Variants in PLCB1 observed in about 807,000 individuals in gnomAD.
PLCB1 encodes the protein phospholipase C beta 1.
In PLCB1, 46 loss-of-function variants were observed where a neutral mutation model predicts 161.8. The ratio of observed to expected loss-of-function variants is 0.28; its 90% CI spans 0.22 to 0.36. PLCB1 has a LOEUF of 0.36. PLCB1 is among the 10% of genes least tolerant of loss of function. PLCB1 has a pLI of 1.00. For missense variants in PLCB1, 1,016 were observed against 1,472.5 expected (o/e 0.69, Z 5.07); for synonymous variants, 517 against 503.7 (o/e 1.03, Z -0.35).
chr20:8,436,568 T>G (rs1980322846), intron 3 of PLCB1, among the ~76,000 whole-genome samples: 1 of 151,940 alleles, frequency 6.6e-6, no homozygotes, highest in Admixed American at 6.6e-5. Flanking sequence ...TTTTTCTCTC[T>G]TCTCTGTCTC....
intron 24 of PLCB1, among the ~76,000 whole-genome samples, chr20:8,759,245 TC>T (rs952323500): frequency 6.6e-6 from 1 of 152,178 alleles, no homozygotes; most frequent in African/African-American, 2.4e-5. Context: ...CTCGCCTTTC[TC>T]AGTGCATCAC....
intron 2 of PLCB1, among the ~76,000 whole-genome samples, chr20:8,154,047 G>T (rs1399056901): frequency 1.3e-5 from 2 of 152,038 alleles, no homozygotes; most frequent in African/African-American, 4.8e-5. Context: ...TAGCTTCATG[G>T]TTTCTTCCTA....
At chr20:8,577,610 C>T (rs868347196) in intron 3 of PLCB1, among the ~76,000 whole-genome samples, 1 of 151,970 alleles carries the variant, frequency 6.6e-6, no homozygotes, top group East Asian at 1.9e-4. Flanking sequence ...TAAGTCTTGG[C>T]ACTTAAGAGA....
At chr20:8,193,193 C>T (rs993409618) in intron 2 of PLCB1, among the ~76,000 whole-genome samples, 1 of 151,908 alleles carries the variant, frequency 6.6e-6, no homozygotes, top group Non-Finnish European at 1.5e-5. Context: ...AATCATTACA[C>T]TACCTATAGG....
chr20:8,699,401 A>G (rs1430381344), intron 11 of PLCB1, among the ~76,000 whole-genome samples: 1 of 152,234 alleles, frequency 6.6e-6, no homozygotes, highest in Non-Finnish European at 1.5e-5. Context: ...ACTGTGTGCC[A>G]CTTGCCAACT....
chr20:8,808,982 A>G (rs1984677194), intron 31 of PLCB1, among the ~76,000 whole-genome samples: 1 of 152,176 alleles, frequency 6.6e-6, no homozygotes, highest in Non-Finnish European at 1.5e-5. Context: ...ATTTTTTCCT[A>G]GAGCTTTGTT....
intron 2 of PLCB1, among the ~76,000 whole-genome samples, chr20:8,242,254 C>G (rs574470390): frequency 6.6e-6 from 1 of 152,084 alleles, no homozygotes; most frequent in East Asian, 1.9e-4. Flanking sequence ...ATTCCAGCTA[C>G]TAGCATCACT....
At chr20:8,415,344 A>G (rs971255231) in intron 3 of PLCB1, among the ~76,000 whole-genome samples, 9 of 152,236 alleles carry the variant, frequency 5.9e-5, no homozygotes, top group Non-Finnish European at 1.2e-4. Flanking sequence ...TTAAAAAATT[A>G]TCATTAAAAA....
chr20:8,178,112 G>T (rs1387675863), intron 2 of PLCB1, among the ~76,000 whole-genome samples: 1 of 152,126 alleles, frequency 6.6e-6, no homozygotes, highest in East Asian at 1.9e-4. Context: ...GGGCATTTAG[G>T]TTGGTTTCAT....
At chr20:8,143,391 C>T (rs945540193) in intron 1 of PLCB1, among the ~76,000 whole-genome samples, 11 of 152,230 alleles carry the variant, frequency 7.2e-5, no homozygotes, top group African/African-American at 2.2e-4. Flanking sequence ...GTACCTTCCA[C>T]CCCTTCATCC....
chr20:8,685,499 G>A (rs1489458843), intron 10 of PLCB1, among the ~76,000 whole-genome samples: 3 of 150,254 alleles, frequency 2.0e-5, no homozygotes, highest in South Asian at 2.1e-4. Flanking sequence ...CGAGGCGGGC[G>A]GATCACCTGA....
chr20:8,151,571 G>T (rs1031350116), intron 2 of PLCB1, among the ~76,000 whole-genome samples: 1 of 152,128 alleles, frequency 6.6e-6, no homozygotes, highest in East Asian at 1.9e-4. Context: ...CCTACTTAAC[G>T]CTCACATTTA....
chr20:8,393,215 A>T (rs1036256380), intron 3 of PLCB1, among the ~76,000 whole-genome samples: 1 of 152,180 alleles, frequency 6.6e-6, no homozygotes, highest in Non-Finnish European at 1.5e-5. Flanking sequence ...TCAGGTAAGA[A>T]CAGAGGGCTT....
intron 2 of PLCB1, among the ~76,000 whole-genome samples, chr20:8,302,750 T>C (rs933797678): frequency 2.6e-5 from 4 of 152,274 alleles, no homozygotes; most frequent in African/African-American, 9.6e-5. Flanking sequence ...TACCCCTTCA[T>C]TTATCTATAT....
At chr20:8,213,590 A>C (rs1280919877) in intron 2 of PLCB1, among the ~76,000 whole-genome samples, 1 of 152,088 alleles carries the variant, frequency 6.6e-6, no homozygotes, top group Non-Finnish European at 1.5e-5. Context: ...GTCAGAATAA[A>C]GCTTGCTCTG....
intron 2 of PLCB1, among the ~76,000 whole-genome samples, chr20:8,292,981 A>T (rs1042252197): frequency 1.3e-5 from 2 of 152,184 alleles, no homozygotes; most frequent in Admixed American, 6.5e-5. Flanking sequence ...CATAGTAGGA[A>T]GAGCTTATCA....
intron 2 of PLCB1, among the ~76,000 whole-genome samples, chr20:8,341,122 C>A (rs1985793505): frequency 6.6e-6 from 1 of 152,120 alleles, no homozygotes; most frequent in Non-Finnish European, 1.5e-5. Flanking sequence ...ATACACATCA[C>A]AAAGCTTCTC....
At chr20:8,726,218 A>G (rs1209047045) in intron 16 of PLCB1, among the ~76,000 whole-genome samples, 1 of 152,114 alleles carries the variant, frequency 6.6e-6, no homozygotes, top group African/African-American at 2.4e-5. Flanking sequence ...TACTGCTCAT[A>G]ATTGTTGGTT....
At chr20:8,215,125 T>C (rs1335593146) in intron 2 of PLCB1, among the ~76,000 whole-genome samples, 1 of 152,094 alleles carries the variant, frequency 6.6e-6, no homozygotes, top group Non-Finnish European at 1.5e-5. Flanking sequence ...TTGAGGCCAC[T>C]GAGAAGATTA....
Sources: gnomAD v4.1 joint callset for allele counts (sites outside exome capture counted in the v4.1 genomes callset) on GRCh38, gnomAD v4.1.1 for gene constraint, MANE v1.5 for transcripts, NCBI Gene and HGNC (gene_info 2026-07-23, HGNC 2026-07-21) for gene names.